Variants in GRIP1 observed in about 807,000 individuals in gnomAD.
GRIP1 encodes glutamate receptor-interacting protein 1.
Under a neutral mutation model 129.9 loss-of-function variants are expected in GRIP1, and 45 were observed. The ratio of observed to expected loss-of-function variants is 0.35; its 90% CI spans 0.27 to 0.44. The LOEUF (loss-of-function observed/expected upper bound fraction) is 0.44, where lower values mean the gene tolerates loss of function less well. Ranked by LOEUF, GRIP1 falls within the 20% of genes least tolerant of loss-of-function variation. GRIP1 has a pLI of 1.00. For missense variants in GRIP1, 1,196 were observed against 1,396.8 expected, an observed-to-expected ratio of 0.86 and a Z score of 2.29; for synonymous variants, 530 against 520.8, an observed-to-expected ratio of 1.02 and a Z score of -0.24.
chr12:66,438,223 G>C (rs2058368619), intron 13 of GRIP1, among the ~76,000 whole-genome samples: 1 of 152,162 alleles, frequency 6.6e-6, no homozygotes, highest in Admixed American at 6.5e-5. Flanking sequence ...CCAAACCTAA[G>C]CTGGGCCATT....
chr12:67,063,532 A>C (rs2043570702), intron 1 of GRIP1, among the ~76,000 whole-genome samples: 2 of 152,212 alleles, frequency 1.3e-5, no homozygotes, highest in Admixed American at 6.5e-5. Context: ...ATAAAAGATA[A>C]AACAAGAGAT....
At chr12:66,830,802 C>T (rs2039502633) in intron 1 of GRIP1, among the ~76,000 whole-genome samples, 1 of 151,462 alleles carries the variant, frequency 6.6e-6, no homozygotes, top group Non-Finnish European at 1.5e-5. Context: ...TCCAGGTAAC[C>T]AACTCCAGAC....
intron 2 of GRIP1, among the ~76,000 whole-genome samples, chr12:66,585,270 C>T (rs7966886): frequency 8.7e-6 from 1 of 114,376 alleles, no homozygotes; most frequent in Non-Finnish European, 1.8e-5. Context: ...ACCCCACCAC[C>T]GTCCCCAGAG....
chr12:66,434,942 T>C (rs1672900589), intron 13 of GRIP1, among the ~76,000 whole-genome samples: 3 of 152,216 alleles, frequency 2.0e-5, no homozygotes, highest in Admixed American at 1.3e-4. Flanking sequence ...GAAACACAGA[T>C]TGCGCTTCCA....
chr12:66,563,003 TGAG>T (rs1368882206), intron 2 of GRIP1, among the ~76,000 whole-genome samples: 1 of 151,514 alleles, frequency 6.6e-6, no homozygotes, highest in East Asian at 1.9e-4. Flanking sequence ...TTAGGTAGGC[TGAG>T]GAGAAGGAAG....
intron 1 of GRIP1, among the ~76,000 whole-genome samples, chr12:66,846,579 T>C (rs1033751841): frequency 3.3e-5 from 5 of 152,258 alleles, no homozygotes; most frequent in African/African-American, 4.8e-5. Flanking sequence ...ACCGAAAAAA[T>C]AGTTCATTTT....
At chr12:66,741,605 TTAATAA>T (rs1162326881) in intron 1 of GRIP1, among the ~76,000 whole-genome samples, 1 of 152,236 alleles carries the variant, frequency 6.6e-6, no homozygotes, top group Non-Finnish European at 1.5e-5. Flanking sequence ...GAAATTAATT[TTAATAA>T]TATTTATTTA....
At chr12:66,593,941 G>A (rs1425086569) in intron 2 of GRIP1, among the ~76,000 whole-genome samples, 3 of 151,848 alleles carry the variant, frequency 2.0e-5, no homozygotes, top group African/African-American at 4.8e-5. Flanking sequence ...GGTGGTGGAT[G>A]CCTGTAGTCC....
intron 1 of GRIP1, among the ~76,000 whole-genome samples, chr12:66,674,926 C>A (rs1305084371): frequency 1.3e-5 from 2 of 152,156 alleles, no homozygotes; most frequent in African/African-American, 4.8e-5. Context: ...CAGCAGGGAG[C>A]AGTTCCCTGC....
At chr12:66,630,710 T>A (rs2030682845) in intron 1 of GRIP1, among the ~76,000 whole-genome samples, 1 of 152,186 alleles carries the variant, frequency 6.6e-6, no homozygotes, top group Non-Finnish European at 1.5e-5. Context: ...TACTCTCTTA[T>A]GAATCAAAGC....
chr12:66,750,378 T>C (rs1355079475), intron 1 of GRIP1, among the ~76,000 whole-genome samples: 1 of 152,176 alleles, frequency 6.6e-6, no homozygotes, highest in Non-Finnish European at 1.5e-5. Flanking sequence ...CTCTTTTGTG[T>C]GTCCCCTTTT....
chr12:66,794,654 C>A (rs2038644401), intron 1 of GRIP1, among the ~76,000 whole-genome samples: 1 of 152,164 alleles, frequency 6.6e-6, no homozygotes, highest in Admixed American at 6.6e-5. Context: ...AAGCCTTAAA[C>A]AATTACTGAG....
At chr12:66,397,252 C>T (rs541852713) in intron 16 of GRIP1, among the ~76,000 whole-genome samples, 171 of 151,512 alleles carry the variant, frequency 1.1e-3, no homozygotes, top group Admixed American at 1.9e-3. Flanking sequence ...TGGCTCACGG[C>T]TGTAATCCCA....
chr12:66,653,692 G>A (rs911828699), intron 1 of GRIP1, among the ~76,000 whole-genome samples: 6 of 152,068 alleles, frequency 3.9e-5, no homozygotes, highest in African/African-American at 7.2e-5. Context: ...CAAGATAATC[G>A]ACTGCCTGAA....
chr12:67,049,616 G>A (rs182106529), intron 1 of GRIP1, among the ~76,000 whole-genome samples: 1 of 151,874 alleles, frequency 6.6e-6, no homozygotes, highest in Non-Finnish European at 1.5e-5. Context: ...ATGCAAATGG[G>A]GCTTAAAACC....
At chr12:66,856,242 C>A (rs958325686) in intron 1 of GRIP1, among the ~76,000 whole-genome samples, 4 of 151,998 alleles carry the variant, frequency 2.6e-5, no homozygotes, top group South Asian at 2.1e-4. Flanking sequence ...TAAAGACTTA[C>A]ATGTTAGAAC....
upstream of GRIP1, among the ~76,000 whole-genome samples, chr12:66,806,328 T>A (rs1265947437): frequency 6.6e-6 from 1 of 152,176 alleles, no homozygotes; most frequent in Non-Finnish European, 1.5e-5. Context: ...GCATTCAAGT[T>A]CATTCTTTTC....
intron 1 of GRIP1, among the ~76,000 whole-genome samples, chr12:67,035,200 T>C (rs1019749421): frequency 6.6e-6 from 1 of 152,214 alleles, no homozygotes; most frequent in South Asian, 2.1e-4. Context: ...TACCACTGGA[T>C]AAAGTAGAAA....
chr12:66,487,969 A>T (rs1007943372), intron 7 of GRIP1, among the ~76,000 whole-genome samples: 1 of 152,200 alleles, frequency 6.6e-6, no homozygotes, highest in Admixed American at 6.5e-5. Flanking sequence ...GAGCACCCAG[A>T]TTCATAAAGC....
Sources: allele counts gnomAD v4.1 joint callset (sites outside exome capture counted in the v4.1 genomes callset), GRCh38; gene constraint gnomAD v4.1.1; transcripts MANE v1.5; gene names NCBI Gene and HGNC (gene_info 2026-07-23, HGNC 2026-07-21).